Variants in SLITRK3 observed in about 807,000 individuals in gnomAD.
SLITRK3 encodes the protein SLIT and NTRK-like protein 3.
A neutral mutation model predicts 63.6 loss-of-function variants in SLITRK3; 16 were observed. The ratio of observed to expected loss-of-function variants is 0.25; its 90% CI spans 0.17 to 0.38. The LOEUF (loss-of-function observed/expected upper bound fraction) is 0.38, where lower values mean the gene tolerates loss of function less well. Ranked by LOEUF, SLITRK3 falls within the 10% of genes least tolerant of loss-of-function variation. The pLI is 1.00. For missense variants in SLITRK3, 1,117 were observed against 1,181.4 expected (o/e 0.95, Z 0.80); for synonymous variants, 547 against 451.6 (o/e 1.21, Z -2.68).
intron 1 of SLITRK3, among the ~76,000 whole-genome samples, chr3:165,192,318 C>T (rs1240231023): frequency 6.6e-6 from 1 of 152,058 alleles, no homozygotes; most frequent in Non-Finnish European, 1.5e-5. Flanking sequence ...AAATTAAAAA[C>T]AATTCAGTGA....
intron 1 of SLITRK3, among the ~76,000 whole-genome samples, chr3:165,193,706 GGA>G (rs1718323021): frequency 6.6e-6 from 1 of 152,066 alleles, no homozygotes; most frequent in South Asian, 2.1e-4. Context: ...TTCTCTGGAA[GGA>G]GATACAGACC....
Position 165,187,774 on chromosome 3 carries a change from A to G in SLITRK3, c.*123T>C, listed in dbSNP as rs1428065123. 9 of 764,804 alleles carry G rather than the reference A, an allele frequency of 1.2e-5. No individual in the cohort carries two copies. Among genetic ancestry groups the G allele is most frequent in the Non-Finnish European group, 1.9e-5 (9 of 482,348 alleles). 47.4% of individuals were successfully genotyped at this position (764,804 alleles called of 1,614,324 possible). On this transcript the variant is annotated 3_prime_UTR_variant, in exon 2 of 2. Coordinates refer to ENST00000475390, the MANE Select transcript of SLITRK3 (RefSeq NM_001318810.2). ...TTATCATGCGGTTTTAGTTTTGTTC[A>G]GGGTAGGAAAGATCGTGAGGATGGA...
intron 1 of SLITRK3, among the ~76,000 whole-genome samples, chr3:165,193,986 C>A (rs906285779): frequency 3.9e-5 from 6 of 152,070 alleles, no homozygotes; most frequent in Non-Finnish European, 8.8e-5. Context: ...TAAGGCTCAG[C>A]TGACAGCACT....
At chr3:165,194,511 C>CTATGGGAGCTAAGA (rs1223209092) in intron 1 of SLITRK3, among the ~76,000 whole-genome samples, 1 of 152,138 alleles carries the variant, frequency 6.6e-6, no homozygotes, top group Non-Finnish European at 1.5e-5. Flanking sequence ...TCCAGACTCA[C>CTATGGGAGCTAAGA]CCTATTGCTC....
chr3:165,192,568 T>A (rs62282368), intron 1 of SLITRK3, among the ~76,000 whole-genome samples: 14,380 of 148,956 alleles, frequency 0.097, 860 homozygotes, highest in Admixed American at 0.15. Flanking sequence ...CATGGAACCG[T>A]GAAAAGAAAA....
At chr3:165,191,957 C>A (rs184273078) in intron 1 of SLITRK3, among the ~76,000 whole-genome samples, 1 of 152,292 alleles carries the variant, frequency 6.6e-6, no homozygotes, top group East Asian at 1.9e-4. Context: ...TTTCTCTATG[C>A]ATCGTTTTCC....
intron 1 of SLITRK3, among the ~76,000 whole-genome samples, chr3:165,192,143 G>A (rs545442177): frequency 2.2e-4 from 33 of 152,228 alleles, no homozygotes; most frequent in South Asian, 4.1e-4. Flanking sequence ...CACACAGAAA[G>A]ATATATTTCA....
chr3:165,190,081 A>G lies in SLITRK3; in HGVS notation c.750T>C (p.Ile250=), dbSNP rs374196491. 34 of 1,614,022 alleles carry G rather than the reference A, an allele frequency of 2.1e-5. No individual in the cohort carries two copies. Among genetic ancestry groups the G allele is most frequent in the Non-Finnish European group, 1.9e-5 (22 of 1,180,026 alleles). The change falls in exon 2 of 2, where the codon ATT becomes ATC. Residue 250 remains isoleucine (I), a synonymous_variant. Transcript: ENST00000475390. ...TGTCTCCCACCAGGGCAGTATAAGG[A>G]ATGCGTTCCAGCCAACTCTTCAGTT... ...IVQLKSWLER[I]PYTALVGDIT... is the part of the protein sequence containing the mutation.
chr3:165,190,031 A>G lies in SLITRK3; in HGVS notation c.800T>C (p.Phe267Ser), dbSNP rs1265921148. The change falls in exon 2 of 2, where the codon TTC (phenylalanine) becomes TCC (serine). Residue 267 changes from phenylalanine to serine, a missense_variant. Transcript: ENST00000475390. Reference sequence around the variant, plus strand: ...GATTTCTCGTAGGTCCTTTCCATGGAAGTGGAAAGGGGTCTCACAGGTAAT... The same window carrying G: ...GATTTCTCGTAGGTCCTTTCCATGGGAGTGGAAAGGGGTCTCACAGGTAAT... Reference protein sequence around the residue: ...GDITCETPFHFHGKDLREIRK... With the variant: ...GDITCETPFHSHGKDLREIRK... The G allele has an allele frequency of 1.2e-6, 2 of 1,613,812 alleles. No individual in the cohort carries two copies. The highest frequency in any genetic ancestry group is 1.7e-6 in the Non-Finnish European group (2 of 1,179,756).
Position 165,190,382 on chromosome 3 carries a change from C to G in SLITRK3, c.449G>C (p.Ser150Thr). 3.1e-6 allele frequency: 5 copies of G among 1,614,080 alleles called. No homozygotes were observed. The highest frequency in any genetic ancestry group is 1.6e-4 in the Middle Eastern group (1 of 6,062). ...GTAATCTGCCTGCAGATATTCTAGA[C>G]TTTCCAAGCCAAGGAAGGTGTCATT... is the stretch of plus-strand genomic sequence containing the variant. ...FRNDTFLGLESLEYLQADYNV... is the reference protein window; with the variant it reads ...FRNDTFLGLETLEYLQADYNV... The change falls in exon 2 of 2, where the codon AGT becomes ACT. Residue 150 changes from serine to threonine, a missense_variant. This residue lies in a region of SLITRK3 where 452 missense variants were observed against 495.3 expected (regional missense o/e 0.91). Transcript: ENST00000475390.
upstream of SLITRK3, chr3:165,196,897 G>GTCTCTCTCCCTCTCTCTCTCTCTC (rs71147105): frequency 1.0e-4 from 10 of 96,474 alleles, no homozygotes; most frequent in Non-Finnish European, 1.8e-4. Context: ...CTCTCTCTCT[G>GTCTCTCTCCCTCTCTCTCTCTCTC]TCTCTCTCTC....
At position 165,188,394 on chromosome 3, in the gene SLITRK3, C is replaced by T; in HGVS notation, c.2437G>A (p.Glu813Lys). ...GCTAGGGCCCACTCCTTCTCTTTTT[C>T]CAGCAAGGTCCGGTAGTTACTATGG... ...ENHSNYRTLLEKEKEWALAVS... is the reference protein window; with the variant it reads ...ENHSNYRTLLKKEKEWALAVS... The change falls in exon 2 of 2, where the codon GAA (glutamate) becomes AAA (lysine). Residue 813 changes from glutamate to lysine, a missense_variant. Transcript: ENST00000475390. 6.2e-7 allele frequency: 1 copy of T among 1,613,952 alleles called. No individual in the cohort carries two copies.
In SLITRK3 at chr3:165,187,900, G is replaced by C; in HGVS notation, c.2931C>G (p.Phe977Leu). Residue 977 changes from phenylalanine (F) to leucine (L), a missense_variant, in exon 2 of 2, where the codon TTC becomes TTG. Physicochemically the swap from Phe to Leu is conservative, Grantham distance 22. Coordinates refer to ENST00000475390, the MANE Select transcript of SLITRK3 (RefSeq NM_001318810.2). ...LEVLEKTTYR[F>L] The stretch of plus-strand genomic sequence containing the variant: ...CTAATATATTTTCTTCTCTCTGTTA[G>C]AACCTGTATGTTGTCTTCTCCAGGA... 1 of 1,601,864 alleles carries C rather than the reference G, an allele frequency of 6.2e-7. No individual in the cohort carries two copies. The highest frequency in any genetic ancestry group is 1.4e-5 in the African/African-American group (1 of 73,754).
chr3:165,192,509 G>GT (rs1200562021), intron 1 of SLITRK3, among the ~76,000 whole-genome samples: 4 of 150,768 alleles, frequency 2.7e-5, no homozygotes, highest in African/African-American at 7.3e-5. Context: ...TTTTGCCAGA[G>GT]TTTTTTTGGG....
chr3:165,192,189 T>C (rs749797066), intron 1 of SLITRK3, among the ~76,000 whole-genome samples: 1 of 143,834 alleles, frequency 7.0e-6, no homozygotes, highest in African/African-American at 2.5e-5. Flanking sequence ...ATATAATTTA[T>C]AGGAAAAGTG....
In SLITRK3 at chr3:165,189,078, C is replaced by T; in HGVS notation, c.1753G>A (p.Val585Met). Residue 585 changes from valine (V) to methionine (M), a missense_variant, in exon 2 of 2, where the codon GTG becomes ATG. Around this residue, in one of 4 missense-constraint regions of SLITRK3, gnomAD observed 158 missense variants for 197.2 expected, o/e 0.80. Coordinates refer to ENST00000475390, the MANE Select transcript of SLITRK3 (RefSeq NM_001318810.2). This position sits in a 1 kb window ranked among gnomAD's most constrained non-coding sequence, Gnocchi z 4.0. ...QWIETISSVSVVGDVLCRSPE... is the reference protein window; with the variant it reads ...QWIETISSVSMVGDVLCRSPE... ...CTCCTGCAAAGCACATCACCAACCA[C>T]ACTGACTGAGCTGATGGTTTCGATC... 1.2e-6 allele frequency: 2 copies of T among 1,614,200 alleles called. No homozygotes were observed. Among genetic ancestry groups the T allele is most frequent in the Non-Finnish European group, 1.7e-6 (2 of 1,180,040 alleles).
At position 165,190,044 on chromosome 3, in the gene SLITRK3, T is replaced by A. The variant is rs1317034035; in HGVS notation, c.787A>T (p.Thr263Ser). 1 of 1,613,690 alleles carries A rather than the reference T, an allele frequency of 6.2e-7. No individual in the cohort carries two copies. Among genetic ancestry groups the A allele is most frequent in the African/African-American group, 1.3e-5 (1 of 74,766 alleles). The part of the protein sequence containing the change: ...TALVGDITCE[T>S]PFHFHGKDLR... ...TCCTTTCCATGGAAGTGGAAAGGGGTCTCACAGGTAATGTCTCCCACCAGG... is the reference window on the plus strand; with the variant it reads ...TCCTTTCCATGGAAGTGGAAAGGGGACTCACAGGTAATGTCTCCCACCAGG... Residue 263 changes from threonine to serine, a missense_variant, in exon 2 of 2, where the codon ACC becomes TCC. Transcript: ENST00000475390.
chr3:165,187,789 G>T lies in SLITRK3; in HGVS notation c.*108C>A. ...AGTTTTGTTCAGGGTAGGAAAGATC[G>T]TGAGGATGGAGTTACTGGGACAAGT... On this transcript the variant is annotated 3_prime_UTR_variant, in exon 2 of 2. Transcript: ENST00000475390. 1.1e-6 allele frequency: 1 copy of T among 891,274 alleles called. No homozygotes were observed. Among genetic ancestry groups the T allele is most frequent in the Non-Finnish European group, 1.7e-6 (1 of 581,744 alleles). The allele number at this position is 891,274 out of a possible 1,614,324, so 55.2% of individuals were successfully genotyped here.
In SLITRK3 at chr3:165,188,728, G is replaced by T; in HGVS notation, c.2103C>A (p.Ile701=). The change falls in exon 2 of 2, where the codon ATC becomes ATA. Residue 701 remains isoleucine, a synonymous_variant. Coordinates refer to ENST00000475390, the MANE Select transcript of SLITRK3 (RefSeq NM_001318810.2). ...KRQEGVDLTG[I]QMQCHRLFED... ...CAAACAGCCTGTGGCATTGCATTTG[G>T]ATGCCAGTAAGGTCCACACCTTCCT... The T allele has an allele frequency of 6.2e-7, 1 of 1,614,136 alleles. No homozygotes were observed. The highest frequency in any genetic ancestry group is 8.5e-7 in the Non-Finnish European group (1 of 1,180,038).
Sources: gnomAD v4.1 joint callset for allele counts (sites outside exome capture counted in the v4.1 genomes callset) on GRCh38, gnomAD v4.1.1 for gene constraint, gnomAD v4.1.1 regional missense constraint, Gnocchi (gnomAD v3.1) non-coding constraint, MANE v1.5 for transcripts, NCBI Gene and HGNC (gene_info 2026-07-23, HGNC 2026-07-21) for gene names.